The following UBOX5 variants were observed in gnomAD, a reference collection of about 807,000 sequenced individuals.
UBOX5 encodes U-box domain containing 5, also known as RING finger protein 37.
In UBOX5, 28 loss-of-function variants were observed where a neutral mutation model predicts 39.0. The ratio of observed to expected loss-of-function variants is 0.72; its 90% CI spans 0.53 to 0.98. The LOEUF (loss-of-function observed/expected upper bound fraction) is 0.98. UBOX5 is among the 50% of genes least tolerant of loss of function. The pLI is 0.00. For missense variants in UBOX5, 585 were observed against 674.4 expected (o/e 0.87, Z 1.47); for synonymous variants, 283 against 275.5 (o/e 1.03, Z -0.27).
At chr20:3,147,734 T>C (rs374926321) in intron 1 of UBOX5, 57 of 1,614,248 alleles carry the variant, frequency 3.5e-5, no homozygotes, top group Non-Finnish European at 4.7e-5. Flanking sequence ...TTCTTCTGCA[T>C]TGGGTGGCTT....
At chr20:3,146,365 T>TA (rs201415332) in intron 1 of UBOX5, among the ~76,000 whole-genome samples, 1,114 of 93,446 alleles carry the variant, frequency 0.012, 26 homozygotes, top group African/African-American at 0.048. Flanking sequence ...AAAACTGGCT[T>TA]TAAAAAAAAA....
At chr20:3,129,276 T>C (rs987421863) in intron 1 of UBOX5, among the ~76,000 whole-genome samples, 2 of 152,210 alleles carry the variant, frequency 1.3e-5, no homozygotes, top group African/African-American at 4.8e-5. Context: ...TTGCCTCTTG[T>C]CTGGCACTCC....
chr20:3,121,512 T>C lies in UBOX5; in HGVS notation c.1127A>G (p.Asn376Ser), dbSNP rs1266773223. The change falls in exon 3 of 5, where the codon AAC becomes AGC. Residue 376 changes from asparagine (N) to serine (S), a missense_variant. Transcript: ENST00000217173. ...IEQAEHVPDSNFGVNASCFSA... is the reference protein window; with the variant it reads ...IEQAEHVPDSSFGVNASCFSA... ...AAAACAGGAAGCATTTACACCAAAG[T>C]TACTGTCTGGGACATGTTCAGCCTG... The C allele has an allele frequency of 6.2e-7, 1 of 1,613,988 alleles. No homozygotes were observed. Among genetic ancestry groups the C allele is most frequent in the South Asian group, 1.1e-5 (1 of 91,076 alleles).
chr20:3,133,762 G>T (rs985218761), intron 1 of UBOX5, among the ~76,000 whole-genome samples: 12 of 150,696 alleles, frequency 8.0e-5, no homozygotes, highest in East Asian at 5.8e-4. Context: ...TTTTTGGGGG[G>T]GGGAAACAGG....
intron 3 of UBOX5, among the ~76,000 whole-genome samples, chr20:3,118,039 C>CGCCT (rs2066306854): frequency 6.6e-6 from 1 of 151,824 alleles, no homozygotes; most frequent in Non-Finnish European, 1.5e-5. Context: ...TGGTGCTGTG[C>CGCCT]GCCTGTAGTC....
chr20:3,153,921 C>A (rs985950390), intron 1 of UBOX5, among the ~76,000 whole-genome samples: 4 of 151,942 alleles, frequency 2.6e-5, no homozygotes, highest in African/African-American at 9.7e-5. Context: ...TGTTGGTGCT[C>A]AAAAAGTTTC....
intron 3 of UBOX5, among the ~76,000 whole-genome samples, chr20:3,118,966 AT>A (rs2066314282): frequency 6.6e-6 from 1 of 152,212 alleles, no homozygotes; most frequent in Non-Finnish European, 1.5e-5. Context: ...GGAAGGAATT[AT>A]TTAGGTTGAA....
intron 4 of UBOX5, 187 bp from the exon 5 acceptor site, chr20:3,110,501 C>A: frequency 1.6e-6 from 1 of 639,168 alleles, no homozygotes. Flanking sequence ...CGGGAGGCCT[C>A]TTCTCTATCA....
chr20:3,136,018 C>G (rs1226264768), intron 1 of UBOX5: 1 of 152,160 alleles, frequency 6.6e-6, no homozygotes, highest in East Asian at 1.9e-4. Flanking sequence ...AACAGCAATT[C>G]TGAACCACTT....
chr20:3,122,143 A>G lies in UBOX5; in HGVS notation c.496T>C (p.Ser166Pro). Residue 166 changes from serine (S) to proline (P), a missense_variant, in exon 3 of 5, where the codon TCC (serine) becomes CCC (proline). Transcript: ENST00000217173. ...CTTAAGTGGGCCACGTGGCTAAGGGAAAGAGCCCCTTTATTCCAGAGCTCC... is the reference window on the plus strand; with the variant it reads ...CTTAAGTGGGCCACGTGGCTAAGGGGAAGAGCCCCTTTATTCCAGAGCTCC... ...AQELWNKGAL[S>P]LSHVAHLRIC... The G allele has an allele frequency of 6.2e-7, 1 of 1,614,236 alleles. No individual in the cohort carries two copies. The highest frequency in any genetic ancestry group is 8.5e-7 in the Non-Finnish European group (1 of 1,180,044).
intron 1 of UBOX5, among the ~76,000 whole-genome samples, chr20:3,131,339 T>C (rs2066427930): frequency 6.6e-6 from 1 of 152,242 alleles, no homozygotes; most frequent in Admixed American, 6.5e-5. Flanking sequence ...AAGTCAGGAA[T>C]ATGCTCTGAA....
intron 1 of UBOX5, among the ~76,000 whole-genome samples, chr20:3,153,565 TAG>T (rs542859121): frequency 6.6e-6 from 1 of 152,122 alleles, no homozygotes; most frequent in African/African-American, 2.4e-5. Context: ...ATTGGTGTAC[TAG>T]AGAGACAAGA....
Position 3,109,576 on chromosome 20 carries a change from C to CATTAAAAA in UBOX5, c.*529_*530insTTTTTAAT. 1.4e-4 allele frequency: 23 copies of CATTAAAAA among 169,842 alleles called. No homozygotes were observed. Among genetic ancestry groups the CATTAAAAA allele is most frequent in the South Asian group, 1.2e-3 (8 of 6,604 alleles). The allele number at this position is 169,842 out of a possible 1,614,324, so 10.5% of individuals were successfully genotyped here. A position where few individuals can be genotyped will look rare whatever the true frequency, so the allele number is the denominator to read the frequency against. On this transcript the variant is annotated 3_prime_UTR_variant, in exon 5 of 5. Coordinates refer to ENST00000217173, the MANE Select transcript of UBOX5 (RefSeq NM_014948.4). ...GCAGGTGGGCGACAGGAGTGTGTGA[C>CATTAAAAA]ACAGACAGGCACTCCACCAGGAGGA...
Position 3,123,349 on chromosome 20 carries a change from C to A in UBOX5, c.17G>T (p.Cys6Phe). The A allele has an allele frequency of 6.2e-7, 1 of 1,613,954 alleles. No homozygotes were observed. The highest frequency in any genetic ancestry group is 8.5e-7 in the Non-Finnish European group (1 of 1,179,972). MVINL[C>F]LPQFRPRIHC... ...AATTCTTGGTCTGAACTGTGGGAGGCAAAGATTTATTACCATCTTTGTGGC... is the reference window on the plus strand; with the variant it reads ...AATTCTTGGTCTGAACTGTGGGAGGAAAAGATTTATTACCATCTTTGTGGC... Residue 6 changes from cysteine (C) to phenylalanine (F), a missense_variant, in exon 2 of 5, where the codon TGC (cysteine) becomes TTC (phenylalanine). By Grantham distance (205) the Cys-to-Phe change is radical. Transcript: ENST00000217173.
Position 3,109,467 on chromosome 20 carries a change from C to T in UBOX5, c.*639G>A, listed in dbSNP as rs1308750904. The T allele has an allele frequency of 6.5e-6, 1 of 154,382 alleles. No homozygotes were observed. Among genetic ancestry groups the T allele is most frequent in the Non-Finnish European group, 1.4e-5 (1 of 69,408 alleles). 9.6% of individuals were successfully genotyped at this position (154,382 alleles called of 1,614,324 possible). ...CAGACCTGAAAATTCCAGTTTGTGT[C>T]CTTTCAGGTCATCGACAGGAATGAC... is the stretch of plus-strand genomic sequence containing the variant. On this transcript the variant is annotated 3_prime_UTR_variant, in exon 5 of 5. Coordinates refer to ENST00000217173, the MANE Select transcript of UBOX5 (RefSeq NM_014948.4).
At position 3,122,380 on chromosome 20, in the gene UBOX5, C is replaced by T. The variant is rs779311904; in HGVS notation, c.259G>A (p.Ala87Thr). The T allele has an allele frequency of 1.2e-5, 20 of 1,614,176 alleles. No homozygotes were observed. Among genetic ancestry groups the T allele is most frequent in the Non-Finnish European group, 1.6e-5 (19 of 1,180,010 alleles). The stretch of plus-strand genomic sequence containing the variant: ...TTCCAAGACACTCTGCTAGATGAGG[C>T]AGATGTGTACATTTCCAGGCCAGTG... ...NVTGLEMYTSASSSRVSWNTP... is the reference protein window; with the variant it reads ...NVTGLEMYTSTSSSRVSWNTP... The change falls in exon 3 of 5, where the codon GCC becomes ACC. Residue 87 changes from alanine (A) to threonine (T), a missense_variant. Ala to Thr is a moderately conservative substitution (Grantham distance 58). Coordinates refer to ENST00000217173, the MANE Select transcript of UBOX5 (RefSeq NM_014948.4).
In UBOX5 at chr20:3,121,458, G is replaced by C; in HGVS notation, c.1181C>G (p.Thr394Ser). 6.2e-7 allele frequency: 1 copy of C among 1,614,124 alleles called. No homozygotes were observed. Among genetic ancestry groups the C allele is most frequent in the East Asian group, 2.2e-5 (1 of 44,872 alleles). The part of the protein sequence containing the change: ...FSATSPLVLP[T>S]TSEHTAKKMK... ...TTTCTTAGCAGTGTGCTCTGAGGTAGTGGGTAAGACCAAAGGGCTTGTGGC... is the reference window on the plus strand; with the variant it reads ...TTTCTTAGCAGTGTGCTCTGAGGTACTGGGTAAGACCAAAGGGCTTGTGGC... The change falls in exon 3 of 5, where the codon ACT (threonine) becomes AGT (serine). Residue 394 changes from threonine to serine, a missense_variant. Physicochemically the swap from Thr to Ser is moderately conservative, Grantham distance 58 (BLOSUM62 1). Transcript: ENST00000217173.
chr20:3,110,547 G>T (rs77273711), intron 4 of UBOX5: 2 of 554,518 alleles, frequency 3.6e-6, no homozygotes, highest in Non-Finnish European at 6.5e-6. Context: ...ACGAATGCTT[G>T]AGAAGAGCTG....
rs1336237528 is a variant in UBOX5, at chr20:3,151,593, G to A, written c.-42+8173C>T. On this transcript the variant is annotated intron_variant, in intron 1 of 4. Transcript: ENST00000217173. ...GCTTGAGGCCAGGAGTTTGAGACCA[G>A]CCTGAACAACACAGCAAGACTGTCT... 5.3e-5 allele frequency: 8 copies of A among 151,622 alleles called. No homozygotes were observed. In the East Asian group the frequency reaches 9.7e-4, roughly 18 times the overall value. The allele number at this position is 151,622 out of a possible 1,614,324, so 9.4% of individuals were successfully genotyped here.
Sources: allele counts gnomAD v4.1 joint callset (sites outside exome capture counted in the v4.1 genomes callset), GRCh38; gene constraint gnomAD v4.1.1; transcripts MANE v1.5; gene names NCBI Gene and HGNC (gene_info 2026-07-23, HGNC 2026-07-21).